The following PTPA variants were observed in gnomAD, a reference collection of about 807,000 sequenced individuals.
PTPA encodes serine/threonine-protein phosphatase 2A activator.
Under a neutral mutation model 43.6 loss-of-function variants are expected in PTPA, and 13 were observed. The observed-to-expected ratio is 0.30, with a 90% CI of 0.19 to 0.47. The LOEUF is 0.47. Ranked by LOEUF, PTPA falls within the 20% of genes least tolerant of loss-of-function variation. The pLI is 0.99. For missense variants in PTPA, 329 were observed against 411.9 expected (o/e 0.80, Z 1.74); for synonymous variants, 172 against 158.2 (o/e 1.09, Z -0.66).
At chr9:129,124,792 A>G (rs932835) in intron 3 of PTPA, among the ~76,000 whole-genome samples, 105,994 of 152,134 alleles carry the variant, frequency 0.7, 37,033 homozygotes, top group Non-Finnish European at 0.7. Flanking sequence ...ACAGCCTTGG[A>G]CCTGTTGGGT....
chr9:129,136,495 C>T lies in PTPA; in HGVS notation c.585C>T (p.Leu195=), dbSNP rs923647865. ...GGTACCTTGAGGTTATGCGGAAACT[C>T]CAGAAAACATACAGGATGGAGCCAG... ...FNRYLEVMRK[L]QKTYRMEPAG... Residue 195 remains leucine, a synonymous_variant, in exon 7 of 10, where the codon CTC becomes CTT. Transcript: ENST00000393370. 9.3e-6 allele frequency: 15 copies of T among 1,613,700 alleles called. No individual in the cohort carries two copies. Among genetic ancestry groups the T allele is most frequent in the Non-Finnish European group, 1.3e-5 (15 of 1,179,822 alleles).
intron 9 of PTPA, among the ~76,000 whole-genome samples, chr9:129,146,591 A>C (rs993056116): frequency 2.6e-5 from 4 of 152,204 alleles, no homozygotes; most frequent in Admixed American, 1.3e-4. Context: ...GTCTTGGCAG[A>C]TCCAACCCTC....
chr9:129,115,319 G>A (rs955258829), intron 1 of PTPA, among the ~76,000 whole-genome samples: 1 of 152,278 alleles, frequency 6.6e-6, no homozygotes, highest in South Asian at 2.1e-4. Flanking sequence ...CAGGACAGGT[G>A]GGAGGAGGAA....
rs1448835484 is a variant in PTPA, at chr9:129,128,864, G to T, written c.217-121G>T. Reference sequence around the variant, plus strand: ...AACAGTGGGGAAGAAAGAGGGATGGGGGAGAGTTCCCAGTAGGGGCCATGC... The same window carrying T: ...AACAGTGGGGAAGAAAGAGGGATGGTGGAGAGTTCCCAGTAGGGGCCATGC... On this transcript the variant is annotated intron_variant, in intron 3 of 9. Coordinates refer to ENST00000393370, the MANE Select transcript of PTPA (RefSeq NM_178000.3). The T allele has an allele frequency of 1.3e-5, 16 of 1,206,832 alleles. 1 individual carries two copies. The highest frequency in any genetic ancestry group is 2.9e-4 in the Middle Eastern group (1 of 3,492). The allele number at this position is 1,206,832 out of a possible 1,614,324, so 74.8% of individuals were successfully genotyped here.
At chr9:129,137,155 C>T (rs936588473) in intron 7 of PTPA, among the ~76,000 whole-genome samples, 12 of 152,322 alleles carry the variant, frequency 7.9e-5, no homozygotes, top group Admixed American at 2.0e-4. Flanking sequence ...GAACTGCCTA[C>T]AGACTGATAT....
intron 8 of PTPA, 77 bp from the exon 9 acceptor site, chr9:129,142,368 G>C: frequency 7.4e-7 from 1 of 1,353,428 alleles, no homozygotes. Context: ...ATGCATGGGT[G>C]TGACTTTGCT....
At chr9:129,140,887 C>T (rs1183439691) in intron 8 of PTPA, among the ~76,000 whole-genome samples, 1 of 152,144 alleles carries the variant, frequency 6.6e-6, no homozygotes, top group African/African-American at 2.4e-5. Flanking sequence ...CCCCTGTAGG[C>T]TCGGGGTGCC....
upstream of PTPA, chr9:129,111,346 G>T: frequency 1.7e-6 from 2 of 1,171,740 alleles, no homozygotes; most frequent in Non-Finnish European, 2.1e-6. Flanking sequence ...GCACTGACAT[G>T]GCCGTCGCCC....
chr9:129,143,653 C>A (rs989017111), intron 9 of PTPA: 3 of 525,326 alleles, frequency 5.7e-6, no homozygotes, highest in Non-Finnish European at 1.0e-5. Flanking sequence ...CACTCCCTTC[C>A]GCCCCCTCCC....
Position 129,136,524 on chromosome 9 carries a change from G to T in PTPA, c.614G>T (p.Gly205Val). ...LQKTYRMEPA[G>V]SQGVWGLDDF... Reference sequence around the variant, plus strand: ...AAAACATACAGGATGGAGCCAGCCGGCAGCCAGGGAGTGTGGGGTCTGGAT... The same window carrying T: ...AAAACATACAGGATGGAGCCAGCCGTCAGCCAGGGAGTGTGGGGTCTGGAT... Residue 205 changes from glycine (G) to valine (V), a missense_variant, in exon 7 of 10, where the codon GGC becomes GTC. By Grantham distance (109) the Gly-to-Val change is moderately radical (BLOSUM62 -3). Coordinates refer to ENST00000393370, the MANE Select transcript of PTPA (RefSeq NM_178000.3). The T allele has an allele frequency of 3.1e-6, 5 of 1,613,884 alleles. No individual in the cohort carries two copies. The highest frequency in any genetic ancestry group is 4.2e-6 in the Non-Finnish European group (5 of 1,179,846).
chr9:129,142,697 C>G (rs749416583), intron 9 of PTPA, 145 bp downstream of exon 9: 1 of 1,543,610 alleles, frequency 6.5e-7, no homozygotes, highest in African/African-American at 1.4e-5. Flanking sequence ...CCCTCTGACA[C>G]TTGGGGCCTC....
At chr9:129,127,002 CA>C (rs1321154634) in intron 3 of PTPA, among the ~76,000 whole-genome samples, 2 of 152,114 alleles carry the variant, frequency 1.3e-5, no homozygotes, top group African/African-American at 4.8e-5. Context: ...CTGTGCCATC[CA>C]TTGTAAGCCC....
intron 8 of PTPA, among the ~76,000 whole-genome samples, chr9:129,139,140 C>G (rs1850586586): frequency 6.6e-6 from 1 of 152,160 alleles, no homozygotes. Context: ...GCCTCTGGGT[C>G]CCTGTCGGTA....
upstream of PTPA, chr9:129,111,214 C>G (rs911493822): frequency 8.0e-6 from 9 of 1,130,342 alleles, no homozygotes; most frequent in Non-Finnish European, 1.0e-5. Flanking sequence ...AAAAACATGG[C>G]TGAGCACAAC....
At chr9:129,138,514 C>T (rs1381445151) in intron 8 of PTPA, among the ~76,000 whole-genome samples, 1 of 152,186 alleles carries the variant, frequency 6.6e-6, no homozygotes, top group African/African-American at 2.4e-5. Flanking sequence ...CTCATCCTCT[C>T]TGCCATCCCC....
chr9:129,129,598 T>G (rs1181499145), intron 4 of PTPA, among the ~76,000 whole-genome samples: 1 of 151,778 alleles, frequency 6.6e-6, no homozygotes, highest in African/African-American at 2.4e-5. Flanking sequence ...GCCTTCCGAG[T>G]AGCTGGGACT....
Position 129,111,647 on chromosome 9 carries a change from C to T in PTPA, c.31+16C>T, listed in dbSNP as rs1848492594. 4 of 1,278,516 alleles carry T rather than the reference C, an allele frequency of 3.1e-6. No individual in the cohort carries two copies. Among genetic ancestry groups the T allele is most frequent in the Non-Finnish European group, 4.0e-6 (4 of 1,004,896 alleles). The allele number at this position is 1,278,516 out of a possible 1,614,324, so 79.2% of individuals were successfully genotyped here. On this transcript the variant is annotated intron_variant, in intron 1 of 9. Coordinates refer to ENST00000393370, the MANE Select transcript of PTPA (RefSeq NM_178000.3). The stretch of plus-strand genomic sequence containing the variant: ...CCGCCGCCAGGTAAGGCCGGCGGGG[C>T]CAGGCCGGGCCGGGGTCGGGTAGGG...
chr9:129,114,288 G>C (rs1463364348), intron 1 of PTPA, among the ~76,000 whole-genome samples: 1 of 152,236 alleles, frequency 6.6e-6, no homozygotes. Flanking sequence ...CACCCAGAGT[G>C]CTGGGATTAC....
intron 6 of PTPA, 26 bp downstream of exon 6, chr9:129,134,920 A>T: frequency 6.3e-7 from 1 of 1,594,678 alleles, no homozygotes; most frequent in Non-Finnish European, 8.6e-7. Context: ...GGAGGGTTGG[A>T]GGAGGGGGCG....
Sources: allele counts gnomAD v4.1 joint callset (sites outside exome capture counted in the v4.1 genomes callset), GRCh38; gene constraint gnomAD v4.1.1; transcripts MANE v1.5; gene names NCBI Gene and HGNC (gene_info 2026-07-23, HGNC 2026-07-21).